The following ATP2C1 variants were observed in gnomAD, a reference collection of about 807,000 sequenced individuals.
The protein encoded by ATP2C1 is calcium-transporting ATPase type 2C member 1.
ATP2C1 carries 31 observed loss-of-function variants against 120.5 expected under a neutral mutation model. The observed-to-expected ratio is 0.26, with a 90% CI of 0.19 to 0.35. The LOEUF (loss-of-function observed/expected upper bound fraction) is 0.35. Ranked by LOEUF, ATP2C1 falls within the 10% of genes least tolerant of loss-of-function variation. The probability of loss-of-function intolerance (pLI) is 1.00; values close to 1 mark genes in which losing one functional copy is unlikely to be tolerated. For missense variants in ATP2C1, 731 were observed against 1,107.5 expected, an observed-to-expected ratio of 0.66 and a Z score of 4.83; for synonymous variants, 351 against 358.7, an observed-to-expected ratio of 0.98 and a Z score of 0.24.
intron 19 of ATP2C1, 29 bp downstream of exon 19, chr3:130,979,448 C>T (rs756838330): frequency 1.7e-5 from 27 of 1,609,494 alleles, no homozygotes; most frequent in East Asian, 4.5e-5. Flanking sequence ...CTTTTGTTTT[C>T]GATAGTTTTT....
At chr3:130,943,369 C>CA (rs1372432900) in intron 8 of ATP2C1, among the ~76,000 whole-genome samples, 1 of 152,088 alleles carries the variant, frequency 6.6e-6, no homozygotes, top group Non-Finnish European at 1.5e-5. Context: ...TGCCTGCCAC[C>CA]ACGCCTGGCT....
chr3:130,887,234 AC>A (rs1385217108), intron 1 of ATP2C1, among the ~76,000 whole-genome samples: 7 of 151,860 alleles, frequency 4.6e-5, no homozygotes, highest in Non-Finnish European at 1.0e-4. Flanking sequence ...GTGACATACT[AC>A]CCCCCTGGCC....
chr3:130,982,154 T>C (rs2061796381), intron 20 of ATP2C1, among the ~76,000 whole-genome samples: 1 of 152,260 alleles, frequency 6.6e-6, no homozygotes, highest in Non-Finnish European at 1.5e-5. Flanking sequence ...TTTTGGGTTT[T>C]ATACTTAGGT....
At chr3:130,898,132 T>C (rs1171112225) in intron 2 of ATP2C1, among the ~76,000 whole-genome samples, 1 of 152,182 alleles carries the variant, frequency 6.6e-6, no homozygotes, top group Non-Finnish European at 1.5e-5. Context: ...AGTGTGACTT[T>C]AATACACATG....
At chr3:130,958,351 T>G (rs1461281114) in intron 11 of ATP2C1, among the ~76,000 whole-genome samples, 1 of 152,090 alleles carries the variant, frequency 6.6e-6, no homozygotes, top group Non-Finnish European at 1.5e-5. Context: ...AATAAATGAG[T>G]GTGGCTATGT....
chr3:130,993,795 A>G (rs1457851071), intron 21 of ATP2C1, 137 bp from the exon 22 acceptor site: 6 of 889,196 alleles, frequency 6.7e-6, no homozygotes, highest in African/African-American at 1.7e-5. Flanking sequence ...GTTGAAGTTC[A>G]TTGAACAATG....
At chr3:130,962,412 T>C (rs1320426279) in intron 12 of ATP2C1, among the ~76,000 whole-genome samples, 1 of 151,886 alleles carries the variant, frequency 6.6e-6, no homozygotes, top group African/African-American at 2.4e-5. Flanking sequence ...CTAGCGCCTG[T>C]TAGAAATATT....
chr3:130,859,535 T>C (rs2067950221), intron 1 of ATP2C1, among the ~76,000 whole-genome samples: 1 of 152,222 alleles, frequency 6.6e-6, no homozygotes, highest in Admixed American at 6.5e-5. Flanking sequence ...CTTTAACCAC[T>C]GTTGTTTTTT....
rs567546409 is a variant in ATP2C1 at position 130,879,113 on chromosome 3, T to C, written c.108+28185T>C. Among the ~76,000 whole-genome samples the C allele has an allele frequency of 7.9e-5, 12 of 152,306 alleles. No individual in the cohort carries two copies. The East Asian group carries it at 2.1e-3, about 27-fold the overall frequency. On this transcript the variant is annotated intron_variant, in intron 1 of 26. Transcript: ENST00000504381. The stretch of plus-strand genomic sequence containing the variant: ...ACTCTGTTGCCCAGGCTGGATGCAA[T>C]GGCACAATCTTGGCTTACTGCTACC...
intron 4 of ATP2C1, among the ~76,000 whole-genome samples, chr3:130,932,841 T>C (rs958112992): frequency 2.6e-5 from 4 of 152,202 alleles, no homozygotes; most frequent in Admixed American, 1.3e-4. Flanking sequence ...AAACGATCTA[T>C]GTTTAACTTT....
At chr3:130,978,205 G>T (rs1346370928) in intron 18 of ATP2C1, among the ~76,000 whole-genome samples, 1 of 152,090 alleles carries the variant, frequency 6.6e-6, no homozygotes, top group Non-Finnish European at 1.5e-5. Context: ...AGCCTTTGGA[G>T]CCCACATCTA....
chr3:130,880,697 A>G lies in ATP2C1; in HGVS notation c.108+29769A>G, dbSNP rs114709831. On this transcript the variant is annotated intron_variant, in intron 1 of 26. Transcript: ENST00000504381. ...AAATTGTAATTTCCCCTTTTTCATT[A>G]TCTATTTCAAAAACCATCTCATTGA... is the stretch of plus-strand genomic sequence containing the variant. Among the ~76,000 whole-genome samples, 367 of 152,152 alleles carry G rather than the reference A, an allele frequency of 2.4e-3. 1 individual carries two copies. The highest frequency in any genetic ancestry group is 4.5e-3 in the Non-Finnish European group (309 of 67,980).
rs2060475993 is a variant in ATP2C1 at position 130,953,963 on chromosome 3, G to A, written c.674G>A (p.Cys225Tyr). 2.5e-6 allele frequency: 4 copies of A among 1,613,918 alleles called. No homozygotes were observed. The highest frequency in any genetic ancestry group is 2.5e-6 in the Non-Finnish European group (3 of 1,179,952). The change falls in exon 9 of 28, where the codon TGT becomes TAT. Residue 225 changes from cysteine to tyrosine, a missense_variant. Cys to Tyr is a radical substitution (Grantham distance 194). This residue lies in a region of ATP2C1 where 571 missense variants were observed against 845.9 expected (regional missense o/e 0.67). Coordinates refer to ENST00000510168, the MANE Select transcript of ATP2C1 (RefSeq NM_001378687.1). ...GCCTTTATGGGAACACTGGTCAGAT[G>A]TGGCAAAGCAAAGGTAAATTTTTTT... Reference protein sequence around the residue: ...NIAFMGTLVRCGKAKGVVIGT... With the variant: ...NIAFMGTLVRYGKAKGVVIGT...
intron 17 of ATP2C1, among the ~76,000 whole-genome samples, chr3:130,972,829 G>A (rs1000743871): frequency 6.6e-6 from 1 of 151,792 alleles, no homozygotes; most frequent in Non-Finnish European, 1.5e-5. Context: ...ATTCCATGGT[G>A]TATTAAATAC....
chr3:130,979,205 A>G (rs751827672), intron 18 of ATP2C1, 44 bp from the exon 19 acceptor site: 3 of 1,597,070 alleles, frequency 1.9e-6, no homozygotes, highest in Non-Finnish European at 2.6e-6. Context: ...TGTTTTCATG[A>G]CTCACTTTTT....
rs762718343 is a variant in ATP2C1, at chr3:130,999,617, C to T, written c.2587C>T (p.Pro863Ser). The T allele has an allele frequency of 1.2e-6, 2 of 1,613,414 alleles. No individual in the cohort carries two copies. Among genetic ancestry groups the T allele is most frequent in the African/African-American group, 1.3e-5 (1 of 74,916 alleles). Residue 863 changes from proline to serine, a missense_variant, in exon 27 of 28, where the codon CCG becomes TCG. By Grantham distance (74) the Pro-to-Ser change is moderately conservative (BLOSUM62 -1). This residue lies in a region of ATP2C1 where 141 missense variants were observed against 201.6 expected (regional missense o/e 0.70). Coordinates refer to ENST00000510168, the MANE Select transcript of ATP2C1 (RefSeq NM_001378687.1). ...ACAATTACTAGTTATTTACTTTCCT[C>T]CGCTTCAGAAGGTTTTTCAGACTGA... ...MGQLLVIYFP[P>S]LQKVFQTESL...
At chr3:131,007,127 G>A (rs1195090056), downstream of ATP2C1, among the ~76,000 whole-genome samples, 1 of 152,214 alleles carries the variant, frequency 6.6e-6, no homozygotes, top group Non-Finnish European at 1.5e-5. Context: ...AAATGTCAAA[G>A]TTTGGGGAGA....
In ATP2C1 at chr3:130,865,972, G is replaced by A. The variant is rs537752050; in HGVS notation, c.108+15044G>A. 2.0e-5 allele frequency among the ~76,000 whole-genome samples: 3 copies of A among 152,084 alleles called. No individual in the cohort carries two copies. The East Asian group carries it at 5.8e-4, about 29-fold the overall frequency. ...ATATTGACCTTTTTTGCTGAATTTT[G>A]CTCATTGAGAATGTATTGAAATGTC... On this transcript the variant is annotated intron_variant, in intron 1 of 26. Coordinates refer to the ATP2C1 transcript ENST00000504381.
chr3:130,981,293 C>G (rs2061752589), intron 20 of ATP2C1, among the ~76,000 whole-genome samples: 1 of 152,144 alleles, frequency 6.6e-6, no homozygotes, highest in Non-Finnish European at 1.5e-5. Context: ...TTGAATCATA[C>G]CATATGAATG....
Sources: allele counts gnomAD v4.1 joint callset (sites outside exome capture counted in the v4.1 genomes callset), GRCh38; gene constraint gnomAD v4.1.1; regional missense constraint gnomAD v4.1.1; transcripts MANE v1.5; gene names NCBI Gene and HGNC (gene_info 2026-07-23, HGNC 2026-07-21).